The following IL4I1 variants were observed in gnomAD, a reference collection of about 807,000 sequenced individuals.
IL4I1 encodes L-amino-acid oxidase.
In IL4I1, 24 loss-of-function variants were observed where a neutral mutation model predicts 29.7. The ratio of observed to expected loss-of-function variants is 0.81; its 90% CI spans 0.59 to 1.14. IL4I1 has a LOEUF of 1.14. Among genes scored for constraint, IL4I1 ranks in the 50% most tolerant of loss-of-function variants. IL4I1 has a pLI of 0.00. For synonymous variants in IL4I1, 371 were observed against 352.5 expected, an observed-to-expected ratio of 1.05 and a Z score of -0.59; for missense variants, 686 against 785.6, an observed-to-expected ratio of 0.87 and a Z score of 1.52.
intron 2 of IL4I1, among the ~76,000 whole-genome samples, chr19:49,919,956 C>T (rs1170767911): frequency 6.6e-6 from 1 of 152,122 alleles, no homozygotes; most frequent in Non-Finnish European, 1.5e-5. Context: ...AAGACAAGGT[C>T]TCACTCTGTC....
chr19:49,891,338 C>A (rs2075135970), intron 6 of IL4I1, 67 bp downstream of exon 6: 1 of 1,553,756 alleles, frequency 6.4e-7, no homozygotes, highest in African/African-American at 1.4e-5. Context: ...CCTTCTGACT[C>A]TCTGGGGAAG....
intron 5 of IL4I1, among the ~76,000 whole-genome samples, chr19:49,892,113 G>C (rs1178365669): frequency 7.4e-6 from 1 of 134,480 alleles, no homozygotes; most frequent in East Asian, 2.1e-4. Context: ...ATGGAGTGTC[G>C]CTCTGTTGCC....
chr19:49,894,823 A>G (rs761652473), intron 4 of IL4I1, among the ~76,000 whole-genome samples: 4 of 152,056 alleles, frequency 2.6e-5, no homozygotes, highest in Admixed American at 6.5e-5. Context: ...TGGAGGGGCC[A>G]GCACAGGAGC....
Position 49,906,209 on chromosome 19 carries a change from C to T in IL4I1, c.-227-1888G>A, listed in dbSNP as rs188646753. 5.4e-4 allele frequency among the ~76,000 whole-genome samples: 82 copies of T among 152,018 alleles called. No homozygotes were observed. In the East Asian group the frequency reaches 7.9e-3, roughly 15 times the overall value. The stretch of plus-strand genomic sequence containing the variant: ...TTAGGGATGGTACTAGATGACTTAA[C>T]ATGTGTGTATATTTTTTGAGACAGA... On this transcript the variant is annotated intron_variant, in intron 2 of 9. Transcript: ENST00000341114.
chr19:49,894,604 G>A, intron 4 of IL4I1, 135 bp from the exon 5 acceptor site: 2 of 679,214 alleles, frequency 2.9e-6, no homozygotes, highest in Non-Finnish European at 5.1e-6. Context: ...GCTAGATTTG[G>A]GGTAATCAAT....
intron 3 of IL4I1, among the ~76,000 whole-genome samples, chr19:49,902,582 C>T (rs1277863719): frequency 6.6e-6 from 1 of 152,094 alleles, no homozygotes; most frequent in Non-Finnish European, 1.5e-5. Flanking sequence ...AATCACAGTA[C>T]TTTGGGAGGC....
rs771598643 is a variant in IL4I1, at chr19:49,896,200, G to A, written c.-22-18C>T. 1.2e-5 allele frequency: 18 copies of A among 1,492,024 alleles called. No homozygotes were observed. The highest frequency in any genetic ancestry group is 1.6e-5 in the Non-Finnish European group (18 of 1,117,966). The allele number at this position is 1,492,024 out of a possible 1,614,324, so 92.4% of individuals were successfully genotyped here. ...GATGGTGTCTGGGGTGGAGGAGAAG[G>A]GAGGGCTGTTGTGACTGAGGCCTGT... On this transcript the variant is annotated intron_variant, in intron 1 of 7. Transcript: ENST00000391826.
intron 2 of IL4I1, among the ~76,000 whole-genome samples, chr19:49,924,223 C>T (rs1388330054): frequency 6.6e-6 from 1 of 152,120 alleles, no homozygotes; most frequent in African/African-American, 2.4e-5. Context: ...ATTTTCACAA[C>T]CCCCCTTACC....
intron 5 of IL4I1, among the ~76,000 whole-genome samples, chr19:49,892,020 C>T (rs2075146275): frequency 6.6e-6 from 1 of 152,038 alleles, no homozygotes; most frequent in South Asian, 2.1e-4. Context: ...GTGCCTGGAG[C>T]CACAGAATTC....
chr19:49,890,533 C>G lies in IL4I1; in HGVS notation c.841G>C (p.Val281Leu). Residue 281 changes from valine to leucine, a missense_variant, in exon 8 of 8, where the codon GTG becomes CTG. Transcript: ENST00000391826. ...RALLSSLSGL[V>L]LLNAPVVAMT... Reference sequence around the variant, plus strand: ...GCCACCACGGGCGCGTTCAACAGCACAAGCCCGGACAGCGAGCTCAGCAGC... The same window carrying G: ...GCCACCACGGGCGCGTTCAACAGCAGAAGCCCGGACAGCGAGCTCAGCAGC... 6.2e-7 allele frequency: 1 copy of G among 1,605,168 alleles called. No individual in the cohort carries two copies. The highest frequency in any genetic ancestry group is 8.5e-7 in the Non-Finnish European group (1 of 1,177,268).
In IL4I1 at chr19:49,908,216, G is replaced by A. The variant is rs775435783; in HGVS notation, c.-227-3895C>T. 1.9e-6 allele frequency: 3 copies of A among 1,610,776 alleles called. No individual in the cohort carries two copies. In the South Asian group the frequency reaches 3.3e-5, roughly 18 times the overall value. On this transcript the variant is annotated intron_variant, in intron 2 of 9. Coordinates refer to the IL4I1 transcript ENST00000341114. Reference sequence around the variant, plus strand: ...CCCCTCATGAACTCCCTAGGGACCTGCGGGCCCCAGGGCTGCTGTCGCTCA... The same window carrying A: ...CCCCTCATGAACTCCCTAGGGACCTACGGGCCCCAGGGCTGCTGTCGCTCA...
At chr19:49,920,626 T>C (rs2075743331) in intron 2 of IL4I1, among the ~76,000 whole-genome samples, 1 of 152,232 alleles carries the variant, frequency 6.6e-6, no homozygotes, top group African/African-American at 2.4e-5. Context: ...GAGCTGACTT[T>C]ACCCCGAGGG....
chr19:49,905,722 G>A (rs1230037479), intron 2 of IL4I1, among the ~76,000 whole-genome samples: 3 of 151,984 alleles, frequency 2.0e-5, no homozygotes, highest in Admixed American at 6.6e-5. Flanking sequence ...ACAGCCTCCC[G>A]AGTAGCTGGG....
At chr19:49,906,759 C>A (rs2075330780) in intron 2 of IL4I1, 1 of 152,236 alleles carries the variant, frequency 6.6e-6, no homozygotes, top group African/African-American at 2.4e-5. Flanking sequence ...CCTGCAGAGT[C>A]TCCTGGAACC....
intron 2 of IL4I1, among the ~76,000 whole-genome samples, chr19:49,924,738 G>C (rs1152233): frequency 0.24 from 36,511 of 152,094 alleles, 4,555 homozygotes; most frequent in African/African-American, 0.29. Flanking sequence ...CTATGAACTA[G>C]AACAGGCTGG....
chr19:49,922,171 T>C (rs779650492), intron 2 of IL4I1, among the ~76,000 whole-genome samples: 25 of 152,190 alleles, frequency 1.6e-4, no homozygotes, highest in Non-Finnish European at 3.5e-4. Flanking sequence ...CTAGGTCAAA[T>C]AGATGCGAGT....
chr19:49,908,960 C>CTGG (rs746663980), intron 2 of IL4I1: 11 of 1,605,756 alleles, frequency 6.9e-6, no homozygotes, highest in African/African-American at 6.7e-5. Flanking sequence ...GCTGCTGCTG[C>CTGG]TGGTGGTGGT....
chr19:49,915,420 A>C (rs971531005), intron 2 of IL4I1, among the ~76,000 whole-genome samples: 7 of 152,206 alleles, frequency 4.6e-5, no homozygotes, highest in African/African-American at 1.7e-4. Context: ...CAAGGAACAC[A>C]GGCGGCTTCG....
In IL4I1 at chr19:49,891,072, C is replaced by CT; in HGVS notation, c.671_672insA (p.Ala225GlyfsTer146). 1 of 1,613,612 alleles carries CT rather than the reference C, an allele frequency of 6.2e-7. No individual in the cohort carries two copies. The highest frequency in any genetic ancestry group is 1.1e-5 in the South Asian group (1 of 91,076). On this transcript the variant is annotated frameshift_variant, in exon 7 of 8. Transcript: ENST00000391826. LOFTEE classifies it high-confidence loss of function. ...TCACGTCTCCCAGAAGCTGCACGGC[C>CT]GGCCGGCTCAGGTTCCCCTCCCCGA...
Sources: gnomAD v4.1 joint callset for allele counts (sites outside exome capture counted in the v4.1 genomes callset) on GRCh38, gnomAD v4.1.1 for gene constraint, MANE v1.5 for transcripts, NCBI Gene and HGNC (gene_info 2026-07-23, HGNC 2026-07-21) for gene names.